Variants in COMMD10 observed in about 807,000 individuals in gnomAD.
COMMD10 encodes COMM domain containing 10.
A neutral mutation model predicts 28.9 loss-of-function variants in COMMD10; 33 were observed. That is an observed-to-expected ratio of 1.14 (90% CI 0.87 to 1.53). The LOEUF is 1.53. Among genes scored for constraint, COMMD10 ranks in the 40% most tolerant of loss-of-function variants. COMMD10 has a pLI of 0.00. For missense variants in COMMD10, 310 were observed against 233.4 expected, an observed-to-expected ratio of 1.33 and a Z score of -2.14; for synonymous variants, 110 against 81.7, an observed-to-expected ratio of 1.35 and a Z score of -1.87.
At position 116,162,838 on chromosome 5, in the gene COMMD10, G is replaced by A. The variant is rs534540598; in HGVS notation, c.510+28660G>A. Among the ~76,000 whole-genome samples, 23 of 150,128 alleles carry A rather than the reference G, an allele frequency of 1.5e-4. No homozygotes were observed. The South Asian group carries it at 4.9e-3, about 32-fold the overall frequency. ...AACACCTTCTAGGGTCTACTTCAGA[G>A]TAGTAGTTTTGGAACTATTTTAGAT... On this transcript the variant is annotated intron_variant, in intron 5 of 6. Coordinates refer to ENST00000274458, the MANE Select transcript of COMMD10 (RefSeq NM_016144.4).
chr5:116,231,987 G>C (rs900321799), intron 5 of COMMD10, among the ~76,000 whole-genome samples: 1 of 152,058 alleles, frequency 6.6e-6, no homozygotes, highest in East Asian at 1.9e-4. Flanking sequence ...CATGGCAAAG[G>C]GGTCATCTAA....
chr5:116,090,053 CTTTTA>C (rs1370184074), intron 2 of COMMD10, among the ~76,000 whole-genome samples: 2 of 152,074 alleles, frequency 1.3e-5, no homozygotes, highest in African/African-American at 4.8e-5. Context: ...TCTACTGGTA[CTTTTA>C]TTTTATTAAG....
chr5:116,091,421 T>A (rs576043530), intron 3 of COMMD10, among the ~76,000 whole-genome samples: 1 of 152,310 alleles, frequency 6.6e-6, no homozygotes, highest in African/African-American at 2.4e-5. Flanking sequence ...AATTCATTGG[T>A]ACTTGGTATA....
rs563393235 is a variant in COMMD10 at position 116,147,974 on chromosome 5, A to C, written c.510+13796A>C. Among the ~76,000 whole-genome samples, 19 of 151,964 alleles carry C rather than the reference A, an allele frequency of 1.3e-4. No homozygotes were observed. The South Asian group carries it at 3.9e-3, about 32-fold the overall frequency. On this transcript the variant is annotated intron_variant, in intron 5 of 6. Coordinates refer to ENST00000274458, the MANE Select transcript of COMMD10 (RefSeq NM_016144.4). ...GTCAGTACATGAGCTTCTACTCAGC[A>C]ACATCATTTTAAATGACTACATAGG...
chr5:116,183,322 T>TA (rs1748036138), intron 5 of COMMD10, among the ~76,000 whole-genome samples: 1 of 152,136 alleles, frequency 6.6e-6, no homozygotes, highest in East Asian at 1.9e-4. Flanking sequence ...CTAAAGAACT[T>TA]AGCAGACTCC....
chr5:116,118,295 T>C (rs1751308815), intron 4 of COMMD10, among the ~76,000 whole-genome samples: 1 of 152,228 alleles, frequency 6.6e-6, no homozygotes, highest in African/African-American at 2.4e-5. Context: ...TTTACTTATT[T>C]ACTTTTTTGT....
At chr5:116,212,618 C>T (rs1045674077) in intron 5 of COMMD10, among the ~76,000 whole-genome samples, 1 of 151,118 alleles carries the variant, frequency 6.6e-6, no homozygotes, top group Non-Finnish European at 1.5e-5. Context: ...TTAAAATAAG[C>T]ATGTAAGCTG....
chr5:116,110,178 G>C (rs1306780870), intron 4 of COMMD10, among the ~76,000 whole-genome samples: 3 of 152,048 alleles, frequency 2.0e-5, no homozygotes, highest in African/African-American at 7.2e-5. Context: ...CACATTTATT[G>C]ACTTGTGTAT....
intron 5 of COMMD10, among the ~76,000 whole-genome samples, chr5:116,197,189 G>C (rs920925141): frequency 3.9e-5 from 6 of 152,070 alleles, no homozygotes; most frequent in African/African-American, 1.2e-4. Context: ...AGTTTTGGAA[G>C]AGACTGTAAA....
chr5:116,244,582 C>T (rs140468547), intron 5 of COMMD10, among the ~76,000 whole-genome samples: 532 of 148,626 alleles, frequency 3.6e-3, no homozygotes, highest in Non-Finnish European at 4.5e-3. Context: ...GAAGTTTCCC[C>T]GGCTGAATCT....
At chr5:116,287,817 A>G (rs1751257958) in intron 5 of COMMD10, among the ~76,000 whole-genome samples, 1 of 151,354 alleles carries the variant, frequency 6.6e-6, no homozygotes. Flanking sequence ...TAACAACCTA[A>G]CTCTAATCAC....
intron 5 of COMMD10, among the ~76,000 whole-genome samples, chr5:116,165,062 G>A (rs551415926): frequency 2.0e-5 from 3 of 152,304 alleles, no homozygotes; most frequent in Admixed American, 6.5e-5. Flanking sequence ...TTTAAGTAAA[G>A]TGTATATCCC....
chr5:116,141,847 C>G (rs756563784), intron 5 of COMMD10, among the ~76,000 whole-genome samples: 1 of 151,786 alleles, frequency 6.6e-6, no homozygotes, highest in African/African-American at 2.4e-5. Flanking sequence ...TTTATTTGTT[C>G]ATTTAACTTT....
At chr5:116,234,371 G>A (rs1445787064) in intron 5 of COMMD10, among the ~76,000 whole-genome samples, 1 of 151,972 alleles carries the variant, frequency 6.6e-6, no homozygotes, top group Admixed American at 6.6e-5. Context: ...AAAAAGTAAT[G>A]AATAGCAATG....
At chr5:116,193,214 G>T (rs1258290514) in intron 5 of COMMD10, among the ~76,000 whole-genome samples, 3 of 152,076 alleles carry the variant, frequency 2.0e-5, no homozygotes, top group African/African-American at 7.2e-5. Context: ...CCTCTTCAAA[G>T]AATAAATAGC....
At position 116,085,090 on chromosome 5, in the gene COMMD10, C is replaced by T. The variant is rs773187074; in HGVS notation, c.38C>T (p.Pro13Leu). ...VPAALILRESPSMKKAVSLIN... is the reference protein window; with the variant it reads ...VPAALILRESLSMKKAVSLIN... The stretch of plus-strand genomic sequence containing the variant: ...GCGGCGCTGATCCTACGGGAGAGCC[C>T]CAGGTAGCTGATCCGTTAAGCTCTT... Residue 13 changes from proline (P) to leucine (L), a missense_variant, in exon 1 of 7, where the codon CCC becomes CTC. By Grantham distance (98) the Pro-to-Leu change is moderately conservative. Coordinates refer to ENST00000274458, the MANE Select transcript of COMMD10 (RefSeq NM_016144.4). 1 of 1,609,954 alleles carries T rather than the reference C, an allele frequency of 6.2e-7. No homozygotes were observed. Among genetic ancestry groups the T allele is most frequent in the Non-Finnish European group, 8.5e-7 (1 of 1,178,962 alleles).
chr5:116,268,981 A>C (rs1750681909), intron 5 of COMMD10, among the ~76,000 whole-genome samples: 1 of 151,760 alleles, frequency 6.6e-6, no homozygotes, highest in Non-Finnish European at 1.5e-5. Flanking sequence ...TAGCATTAGG[A>C]GATATACCTA....
chr5:116,223,453 TC>T (rs1238031627), intron 5 of COMMD10, among the ~76,000 whole-genome samples: 1 of 152,168 alleles, frequency 6.6e-6, no homozygotes, highest in Admixed American at 6.5e-5. Flanking sequence ...CTAGAAACTG[TC>T]TCAGACTCTG....
intron 5 of COMMD10, among the ~76,000 whole-genome samples, chr5:116,273,837 T>C (rs535003536): frequency 6.6e-6 from 1 of 151,852 alleles, no homozygotes; most frequent in Admixed American, 6.6e-5. Flanking sequence ...TACTTGGAAC[T>C]AAAGTCATCA....
Sources: allele counts gnomAD v4.1 joint callset (sites outside exome capture counted in the v4.1 genomes callset), GRCh38; gene constraint gnomAD v4.1.1; transcripts MANE v1.5; gene names NCBI Gene and HGNC (gene_info 2026-07-23, HGNC 2026-07-21).